The following PIP5K1B variants were observed in gnomAD, a reference collection of about 807,000 sequenced individuals.
The protein encoded by PIP5K1B is phosphatidylinositol-4-phosphate 5-kinase type 1 beta.
In PIP5K1B, 42 loss-of-function variants were observed where a neutral mutation model predicts 67.0. That is an observed-to-expected ratio of 0.63 (90% CI 0.49 to 0.81). PIP5K1B has a LOEUF of 0.81. Ranked by LOEUF, PIP5K1B falls within the 30% of genes least tolerant of loss-of-function variation. PIP5K1B has a pLI of 0.00. For missense variants in PIP5K1B, 459 were observed against 646.3 expected (o/e 0.71, Z 3.14); for synonymous variants, 214 against 231.4 (o/e 0.92, Z 0.68).
intron 1 of PIP5K1B, chr9:68,706,361 G>A (rs1012381271): frequency 6.6e-6 from 1 of 152,286 alleles, no homozygotes; most frequent in East Asian, 1.9e-4. Flanking sequence ...GAGAATGCCC[G>A]GGTTTGATTT....
intron 6 of PIP5K1B, among the ~76,000 whole-genome samples, chr9:68,878,012 TCTGTG>T (rs1334066293): frequency 7.6e-6 from 1 of 131,472 alleles, no homozygotes; most frequent in African/African-American, 2.9e-5. Flanking sequence ...ACGCATTTGT[TCTGTG>T]TGTGTGTGTG....
intron 4 of PIP5K1B, among the ~76,000 whole-genome samples, chr9:68,848,654 A>G (rs945343150): frequency 7.2e-5 from 11 of 152,228 alleles, no homozygotes; most frequent in Non-Finnish European, 1.5e-4. Flanking sequence ...TATTTGGTAG[A>G]TGATAAAGAA....
intron 14 of PIP5K1B, among the ~76,000 whole-genome samples, chr9:68,969,996 A>G (rs1829267123): frequency 6.9e-6 from 1 of 145,532 alleles, no homozygotes; most frequent in Non-Finnish European, 1.5e-5. Context: ...GGATTTTTTC[A>G]TTAAAAAAAT....
In PIP5K1B at chr9:68,863,040, T is replaced by C. The variant is rs190635604; in HGVS notation, c.70-797T>C. 2.6e-5 allele frequency among the ~76,000 whole-genome samples: 4 copies of C among 152,262 alleles called. No individual in the cohort carries two copies. The East Asian group carries it at 7.7e-4, about 29-fold the overall frequency. ...TATCTTTTCTATAAAGTAAATGATC[T>C]TTATTACATCCATTCATGTCAGGGT... On this transcript the variant is annotated intron_variant, in intron 4 of 15. Coordinates refer to ENST00000265382, the MANE Select transcript of PIP5K1B (RefSeq NM_003558.4).
chr9:68,896,484 T>G (rs929185118), intron 8 of PIP5K1B, among the ~76,000 whole-genome samples: 2 of 152,192 alleles, frequency 1.3e-5, no homozygotes, highest in Non-Finnish European at 2.9e-5. Flanking sequence ...GAGATTTGCC[T>G]TTTTATTTTT....
chr9:68,896,457 T>C (rs1306598811), intron 8 of PIP5K1B, among the ~76,000 whole-genome samples: 1 of 152,246 alleles, frequency 6.6e-6, no homozygotes, highest in Non-Finnish European at 1.5e-5. Context: ...AAACTTTTCA[T>C]CACAAGTGAG....
chr9:68,992,083 A>G (rs1830400615), intron 15 of PIP5K1B, among the ~76,000 whole-genome samples: 2 of 152,122 alleles, frequency 1.3e-5, no homozygotes, highest in Admixed American at 1.3e-4. Flanking sequence ...CTCCTGCCTC[A>G]GCCTCCCTAG....
chr9:68,775,501 C>T (rs1830871055), intron 2 of PIP5K1B, among the ~76,000 whole-genome samples: 1 of 152,128 alleles, frequency 6.6e-6, no homozygotes, highest in South Asian at 2.1e-4. Flanking sequence ...GAGATGGCTA[C>T]TAAGTGACTA....
chr9:68,919,344 AAG>A (rs113640414), intron 9 of PIP5K1B, 133 bp from the exon 10 acceptor site: 2 of 555,718 alleles, frequency 3.6e-6, no homozygotes, highest in South Asian at 5.5e-5. Context: ...ACAAAAAAAA[AAG>A]ATGAATGGGA....
chr9:68,903,137 T>C lies in PIP5K1B; in HGVS notation c.771+8499T>C, dbSNP rs374505910. Reference sequence around the variant, plus strand: ...ACTTGATTACATGTTTAACGTTTGCTACTAAAAATCTGCTCTGTGGGAACT... The same window carrying C: ...ACTTGATTACATGTTTAACGTTTGCCACTAAAAATCTGCTCTGTGGGAACT... On this transcript the variant is annotated intron_variant, in intron 8 of 15. Coordinates refer to ENST00000265382, the MANE Select transcript of PIP5K1B (RefSeq NM_003558.4). 4.2e-4 allele frequency among the ~76,000 whole-genome samples: 64 copies of C among 152,346 alleles called. 1 individual carries two copies. The South Asian group carries it at 0.013, about 31-fold the overall frequency.
chr9:69,001,937 T>G (rs1166335444), intron 15 of PIP5K1B, among the ~76,000 whole-genome samples: 1 of 152,234 alleles, frequency 6.6e-6, no homozygotes, highest in African/African-American at 2.4e-5. Context: ...GTCAGGGAGC[T>G]GTGTTAAAAT....
chr9:68,973,866 T>C (rs1829510640), intron 14 of PIP5K1B, among the ~76,000 whole-genome samples: 1 of 152,160 alleles, frequency 6.6e-6, no homozygotes, highest in Admixed American at 6.5e-5. Flanking sequence ...TTGACCCATA[T>C]GTTACTCAAC....
intron 4 of PIP5K1B, among the ~76,000 whole-genome samples, chr9:68,829,406 C>T (rs896399386): frequency 3.3e-5 from 5 of 152,178 alleles, no homozygotes; most frequent in Non-Finnish European, 7.4e-5. Flanking sequence ...ATCCAAAATA[C>T]CCTAACCTGC....
chr9:68,896,847 G>A (rs188719368), intron 8 of PIP5K1B, among the ~76,000 whole-genome samples: 65 of 152,242 alleles, frequency 4.3e-4, no homozygotes, highest in African/African-American at 1.3e-3. Flanking sequence ...TTAGTAAATC[G>A]TATGAATGCT....
intron 7 of PIP5K1B, among the ~76,000 whole-genome samples, chr9:68,890,146 T>TA (rs1824708714): frequency 6.6e-6 from 1 of 152,228 alleles, no homozygotes; most frequent in Admixed American, 6.5e-5. Flanking sequence ...TATTCTATAT[T>TA]AGCTGTTCTC....
intron 2 of PIP5K1B, chr9:68,782,313 G>C (rs1249518770): frequency 1.2e-5 from 2 of 166,976 alleles, no homozygotes. Context: ...GAGTCACATA[G>C]GTAAATCATT....
At chr9:68,915,330 G>A (rs1459959856) in intron 8 of PIP5K1B, among the ~76,000 whole-genome samples, 4 of 151,902 alleles carry the variant, frequency 2.6e-5, no homozygotes, top group Non-Finnish European at 5.9e-5. Context: ...GCTGTCTCGG[G>A]GGGTACTGTT....
intron 4 of PIP5K1B, among the ~76,000 whole-genome samples, chr9:68,862,208 A>T (rs1321363187): frequency 6.6e-6 from 1 of 152,174 alleles, no homozygotes; most frequent in Non-Finnish European, 1.5e-5. Context: ...ATAACTGAAG[A>T]TGACACTGCC....
intron 15 of PIP5K1B, among the ~76,000 whole-genome samples, chr9:68,998,495 C>T (rs1830687954): frequency 6.6e-6 from 1 of 152,188 alleles, no homozygotes; most frequent in Non-Finnish European, 1.5e-5. Flanking sequence ...CCTCTAGACT[C>T]TTCCTATTGC....
Sources: allele counts gnomAD v4.1 joint callset (sites outside exome capture counted in the v4.1 genomes callset), GRCh38; gene constraint gnomAD v4.1.1; transcripts MANE v1.5; gene names NCBI Gene and HGNC (gene_info 2026-07-23, HGNC 2026-07-21).